Variants in KIF26B observed in about 807,000 individuals in gnomAD.
The protein encoded by KIF26B is kinesin family member 26B.
In KIF26B, 63 loss-of-function variants were observed where a neutral mutation model predicts 151.2. The ratio of observed to expected loss-of-function variants is 0.42; its 90% CI spans 0.34 to 0.51. The LOEUF (loss-of-function observed/expected upper bound fraction) is 0.51. Among genes scored for constraint, KIF26B ranks in the 20% least tolerant of loss-of-function variants. KIF26B has a pLI of 0.07. For missense variants in KIF26B, 2,813 were observed against 2,913.6 expected, an observed-to-expected ratio of 0.97 and a Z score of 0.79; for synonymous variants, 1,357 against 1,262.1, an observed-to-expected ratio of 1.08 and a Z score of -1.59.
rs145131446 is a variant in KIF26B at position 245,307,467 on chromosome 1, A to AT, written c.466-59363dup. 7.0e-3 allele frequency among the ~76,000 whole-genome samples: 1,072 copies of AT among 152,228 alleles called. 13 individuals carry two copies. Among genetic ancestry groups the AT allele is most frequent in the African/African-American group, 0.024 (993 of 41,534 alleles). On this transcript the variant is annotated intron_variant, in intron 2 of 14. Coordinates refer to ENST00000407071, the MANE Select transcript of KIF26B (RefSeq NM_018012.4). ...TCTATTCAAGTTCAGCATAAAGCTC[A>AT]TTTTCTCTAGAAATCTTTGTTTAAA...
intron 2 of KIF26B, among the ~76,000 whole-genome samples, chr1:245,289,101 C>G (rs1366874192): frequency 6.6e-6 from 1 of 152,152 alleles, no homozygotes; most frequent in Non-Finnish European, 1.5e-5. Flanking sequence ...TGATGACTAA[C>G]AGTAGGTATC....
intron 3 of KIF26B, among the ~76,000 whole-genome samples, chr1:245,411,798 AT>A (rs909118919): frequency 2.6e-5 from 4 of 151,820 alleles, no homozygotes; most frequent in Admixed American, 6.6e-5. Flanking sequence ...AAGGGACATA[AT>A]TTTTTTTTCT....
intron 2 of KIF26B, among the ~76,000 whole-genome samples, chr1:245,172,478 C>T (rs1217359146): frequency 1.3e-5 from 2 of 152,050 alleles, no homozygotes; most frequent in African/African-American, 4.8e-5. Flanking sequence ...CTGCAGGAAC[C>T]CAAAGAAATG....
At position 245,395,508 on chromosome 1, in the gene KIF26B, C is replaced by T. The variant is rs779939682; in HGVS notation, c.1000-24071C>T. 3.9e-5 allele frequency among the ~76,000 whole-genome samples: 6 copies of T among 152,168 alleles called. No homozygotes were observed. The East Asian group carries it at 5.8e-4, about 15-fold the overall frequency. ...GACCTTCTCAGATGCCACTACTGGA[C>T]GCAGCCCTCTAGACCTGAAGGTATG... On this transcript the variant is annotated intron_variant, in intron 3 of 14. Coordinates refer to ENST00000407071, the MANE Select transcript of KIF26B (RefSeq NM_018012.4).
At chr1:245,536,344 A>G (rs779361546) in intron 4 of KIF26B, among the ~76,000 whole-genome samples, 1 of 152,164 alleles carries the variant, frequency 6.6e-6, no homozygotes, top group Non-Finnish European at 1.5e-5. Flanking sequence ...TCCAGGCTAA[A>G]TATCCCCAGC....
At chr1:245,337,028 G>A (rs1672247181) in intron 2 of KIF26B, among the ~76,000 whole-genome samples, 2 of 152,168 alleles carry the variant, frequency 1.3e-5, no homozygotes, top group East Asian at 1.9e-4. Context: ...GAAAGGAGGC[G>A]GGAAATGAGG....
Position 245,166,946 on chromosome 1 carries a change from C to CT in KIF26B, c.465+10264dup, listed in dbSNP as rs1203509400. ...ATAGAGGTTAGCAAAGCAGAAGGCT[C>CT]TGAGGGTAGAGTAAGTATTATTAAT... On this transcript the variant is annotated intron_variant, in intron 2 of 14. Coordinates refer to ENST00000407071, the MANE Select transcript of KIF26B (RefSeq NM_018012.4). The surrounding 1 kb of genome is among the most constrained non-coding windows in gnomAD (Gnocchi z 4.5). Among the ~76,000 whole-genome samples, 1 of 152,104 alleles carries CT rather than the reference C, an allele frequency of 6.6e-6. No homozygotes were observed. The highest frequency in any genetic ancestry group is 2.4e-5 in the African/African-American group (1 of 41,422).
intron 5 of KIF26B, among the ~76,000 whole-genome samples, chr1:245,548,759 T>TTTA (rs1553286724): frequency 1.3e-5 from 2 of 150,492 alleles, no homozygotes; most frequent in Admixed American, 6.6e-5. Flanking sequence ...TTTTTTTTTT[T>TTTA]AAAAACAGGG....
chr1:245,441,000 G>A (rs1659065779), intron 4 of KIF26B, among the ~76,000 whole-genome samples: 1 of 152,210 alleles, frequency 6.6e-6, no homozygotes, highest in South Asian at 2.1e-4. Context: ...CTGAAAGGAG[G>A]CAAGACAGGA....
intron 2 of KIF26B, among the ~76,000 whole-genome samples, chr1:245,266,025 G>T (rs1670739449): frequency 6.6e-6 from 1 of 152,018 alleles, no homozygotes; most frequent in Admixed American, 6.6e-5. Flanking sequence ...AAGTAAAAGA[G>T]ATCCACAAAC....
intron 2 of KIF26B, among the ~76,000 whole-genome samples, chr1:245,238,364 C>T (rs980593472): frequency 6.6e-6 from 1 of 152,086 alleles, no homozygotes; most frequent in Non-Finnish European, 1.5e-5. Flanking sequence ...ATTTGAGAAT[C>T]ACAAAACTCT....
At chr1:245,285,640 G>GAAAAA (rs68008343) in intron 2 of KIF26B, among the ~76,000 whole-genome samples, 1 of 131,140 alleles carries the variant, frequency 7.6e-6, no homozygotes. Flanking sequence ...TCCTAAAATT[G>GAAAAA]AAAAAAAAAA....
intron 2 of KIF26B, among the ~76,000 whole-genome samples, chr1:245,294,690 C>T (rs1179858339): frequency 1.3e-5 from 2 of 152,052 alleles, no homozygotes; most frequent in African/African-American, 2.4e-5. Flanking sequence ...GACAGAGTCC[C>T]GCTCTGTTAC....
At chr1:245,369,516 T>C (rs2103011502) in intron 3 of KIF26B, among the ~76,000 whole-genome samples, 1 of 152,354 alleles carries the variant, frequency 6.6e-6, no homozygotes, top group East Asian at 1.9e-4. Context: ...CTGGGTGCTT[T>C]CTAATTTACA....
rs141113895 is a variant in KIF26B at position 245,515,336 on chromosome 1, C to T, written c.1167-25431C>T. Among the ~76,000 whole-genome samples the T allele has an allele frequency of 1.4e-4, 21 of 152,272 alleles. No homozygotes were observed. In the East Asian group the frequency reaches 2.1e-3, roughly 15 times the overall value. On this transcript the variant is annotated intron_variant, in intron 4 of 14. Transcript: ENST00000407071. Reference sequence around the variant, plus strand: ...GGCACCTACATCTCTCCACGCTTACCGTGCAGCCATCACTGTCTGCCTTTC... The same window carrying T: ...GGCACCTACATCTCTCCACGCTTACTGTGCAGCCATCACTGTCTGCCTTTC...
chr1:245,221,099 A>C (rs1669757175), intron 2 of KIF26B, among the ~76,000 whole-genome samples: 1 of 152,148 alleles, frequency 6.6e-6, no homozygotes, highest in South Asian at 2.1e-4. Context: ...CATTTGTATA[A>C]ATAAGTTTGT....
At chr1:245,371,181 G>T (rs568748087) in intron 3 of KIF26B, among the ~76,000 whole-genome samples, 80 of 152,280 alleles carry the variant, frequency 5.3e-4, no homozygotes, top group Non-Finnish European at 1.0e-3. Context: ...ATCTCTCTGG[G>T]ATAAAGAGAT....
At chr1:245,257,332 C>T (rs1227876716) in intron 2 of KIF26B, among the ~76,000 whole-genome samples, 2 of 152,200 alleles carry the variant, frequency 1.3e-5, no homozygotes, top group Admixed American at 6.5e-5. Context: ...TTCTCAGGAT[C>T]TCCTGGGGCT....
At chr1:245,613,695 G>C (rs56294652) in intron 9 of KIF26B, among the ~76,000 whole-genome samples, 1,909 of 152,308 alleles carry the variant, frequency 0.013, 45 homozygotes, top group African/African-American at 0.044. Context: ...CTGGACAACA[G>C]TACTCCTGGG....
Sources: allele counts gnomAD v4.1 joint callset (sites outside exome capture counted in the v4.1 genomes callset), GRCh38; gene constraint gnomAD v4.1.1; non-coding constraint Gnocchi (gnomAD v3.1); transcripts MANE v1.5; gene names NCBI Gene and HGNC (gene_info 2026-07-23, HGNC 2026-07-21).